CTNNA2: variants seen among roughly 807,000 people sequenced by gnomAD.
CTNNA2 encodes the protein catenin alpha 2, also known as catenin alpha-2.
CTNNA2 carries 42 observed loss-of-function variants against 101.0 expected under a neutral mutation model. That is an observed-to-expected ratio of 0.42 (90% confidence interval 0.32 to 0.54). The LOEUF is 0.54. Ranked by LOEUF, CTNNA2 falls within the 20% of genes least tolerant of loss-of-function variation. The pLI, the probability that CTNNA2 is intolerant of heterozygous loss-of-function variation, is 0.14. For missense variants in CTNNA2, 871 were observed against 1,223.1 expected (o/e 0.71, Z 4.29); for synonymous variants, 450 against 456.4 (o/e 0.99, Z 0.18).
rs183886659 is a variant in CTNNA2, at chr2:79,594,954, A to G, written c.-5-56598A>G. ...GTCCTTTCTTCTTTTTTTCTCTTAT[A>G]TAGATTTTTTTTTTGAAAGATTGTG... On this transcript the variant is annotated intron_variant, in intron 1 of 18. Coordinates refer to ENST00000402739, the MANE Select transcript of CTNNA2 (RefSeq NM_001282597.3). Among the ~76,000 whole-genome samples the G allele has an allele frequency of 6.7e-3, 1,011 of 151,940 alleles. 14 individuals are homozygous for G. Among genetic ancestry groups the G allele is most frequent in the African/African-American group, 0.022 (911 of 41,456 alleles).
At chr2:80,133,513 G>A (rs1702525776) in intron 7 of CTNNA2, among the ~76,000 whole-genome samples, 1 of 152,108 alleles carries the variant, frequency 6.6e-6, no homozygotes, top group South Asian at 2.1e-4. Flanking sequence ...AAGCCCAAAT[G>A]TATATAGAGT....
chr2:79,616,962 T>C (rs755509624), intron 1 of CTNNA2, among the ~76,000 whole-genome samples: 1 of 151,396 alleles, frequency 6.6e-6, no homozygotes, highest in Non-Finnish European at 1.5e-5. Context: ...GGTAGAATGG[T>C]GCAATCTCGG....
chr2:80,589,109 G>GA (rs1171840034), intron 14 of CTNNA2, among the ~76,000 whole-genome samples, 195 bp from the exon 15 acceptor site: 1 of 152,126 alleles, frequency 6.6e-6, no homozygotes, highest in Non-Finnish European at 1.5e-5. Flanking sequence ...ATGGGAGTGG[G>GA]ACGGGGACTT....
At chr2:79,652,638 T>C (rs1201680982) in intron 2 of CTNNA2, among the ~76,000 whole-genome samples, 1 of 152,076 alleles carries the variant, frequency 6.6e-6, no homozygotes, top group Non-Finnish European at 1.5e-5. Flanking sequence ...AATCCTCCCA[T>C]CTCAAGATCC....
chr2:79,385,442 T>C (rs1678088157), intron 4 of CTNNA2, among the ~76,000 whole-genome samples: 1 of 152,236 alleles, frequency 6.6e-6, no homozygotes. Flanking sequence ...TTTAATTCAC[T>C]GCATGTATAT....
At chr2:80,500,337 TATTC>T (rs907097503) in intron 9 of CTNNA2, among the ~76,000 whole-genome samples, 1 of 152,196 alleles carries the variant, frequency 6.6e-6, no homozygotes, top group Non-Finnish European at 1.5e-5. Context: ...ACCATCCATT[TATTC>T]ATTCATTCAT....
chr2:79,812,294 G>C (rs1272309394), intron 3 of CTNNA2, among the ~76,000 whole-genome samples: 1 of 152,142 alleles, frequency 6.6e-6, no homozygotes, highest in Non-Finnish European at 1.5e-5. Flanking sequence ...GTTAAGTGCA[G>C]TCATCCTTAC....
In CTNNA2 at chr2:80,546,688, A is replaced by G. The variant is rs964933202; in HGVS notation, c.1540+625A>G. Among the ~76,000 whole-genome samples, 2 of 152,222 alleles carry G rather than the reference A, an allele frequency of 1.3e-5. 1 individual carries two copies. The highest frequency in any genetic ancestry group is 2.9e-5 in the Non-Finnish European group (2 of 68,040). ...GCCAGACTGGAGGATGCTAGTAGACATGAATAACTGCAGAGACAGTCTGAC... is the reference window on the plus strand; with the variant it reads ...GCCAGACTGGAGGATGCTAGTAGACGTGAATAACTGCAGAGACAGTCTGAC... On this transcript the variant is annotated intron_variant, in intron 11 of 18. Transcript: ENST00000402739.
At chr2:80,192,204 T>A (rs549891363) in intron 7 of CTNNA2, among the ~76,000 whole-genome samples, 1 of 152,358 alleles carries the variant, frequency 6.6e-6, no homozygotes, top group East Asian at 1.9e-4. Flanking sequence ...TTATTTATTT[T>A]ATAGATAGGT....
At chr2:80,044,068 T>A (rs892298625) in intron 7 of CTNNA2, among the ~76,000 whole-genome samples, 3 of 152,308 alleles carry the variant, frequency 2.0e-5, no homozygotes, top group Admixed American at 2.0e-4. Context: ...TATATCCTCA[T>A]AGGCCTTTTC....
chr2:79,908,478 T>G (rs1281645246), intron 6 of CTNNA2, among the ~76,000 whole-genome samples: 1 of 152,040 alleles, frequency 6.6e-6, no homozygotes, highest in African/African-American at 2.4e-5. Flanking sequence ...CTGCAGCAGG[T>G]CATTCTACCT....
intron 2 of CTNNA2, among the ~76,000 whole-genome samples, chr2:79,225,987 C>T (rs888021535): frequency 7.2e-5 from 11 of 152,166 alleles, no homozygotes; most frequent in African/African-American, 2.7e-4. Context: ...TTTAAACCAA[C>T]ATCTCTGTCT....
intron 2 of CTNNA2, among the ~76,000 whole-genome samples, chr2:79,241,339 A>G (rs1469229073): frequency 6.6e-6 from 1 of 152,192 alleles, no homozygotes. Flanking sequence ...ATGACATAAC[A>G]CTAAAGAGAT....
chr2:79,964,022 C>G (rs909008079), intron 7 of CTNNA2, among the ~76,000 whole-genome samples: 5 of 152,076 alleles, frequency 3.3e-5, no homozygotes, highest in Non-Finnish European at 5.9e-5. Context: ...TAACATCAAA[C>G]CTGTGAAACA....
At chr2:80,327,003 G>T (rs766232324) in intron 7 of CTNNA2, among the ~76,000 whole-genome samples, 14 of 151,984 alleles carry the variant, frequency 9.2e-5, no homozygotes, top group Non-Finnish European at 1.9e-4. Context: ...AGGCACTACC[G>T]CTGATGACAT....
At chr2:80,326,713 AT>A (rs1280845029) in intron 7 of CTNNA2, among the ~76,000 whole-genome samples, 16 of 152,192 alleles carry the variant, frequency 1.1e-4, no homozygotes, top group Admixed American at 1.0e-3. Context: ...AAAACTTTCC[AT>A]TTAAGGAAAA....
rs1272541437 is a variant in CTNNA2, at chr2:79,398,056, T to G, written c.-135+24043T>G. 2.0e-5 allele frequency among the ~76,000 whole-genome samples: 3 copies of G among 152,176 alleles called. No individual in the cohort carries two copies. The East Asian group carries it at 5.8e-4, about 29-fold the overall frequency. Reference sequence around the variant, plus strand: ...AGAAAGCTTCTAGTTAAAATTCTCTTGGCTCTAAGTCTCAGTCTTTTATCC... The same window carrying G: ...AGAAAGCTTCTAGTTAAAATTCTCTGGGCTCTAAGTCTCAGTCTTTTATCC... On this transcript the variant is annotated intron_variant, in intron 4 of 21. Coordinates refer to the CTNNA2 transcript ENST00000466387.
intron 8 of CTNNA2, among the ~76,000 whole-genome samples, chr2:80,397,328 C>G (rs1678105941): frequency 6.6e-6 from 1 of 152,190 alleles, no homozygotes; most frequent in African/African-American, 2.4e-5. Flanking sequence ...AATCCACACA[C>G]TAGCTCTAAA....
chr2:79,460,585 T>C (rs1421561838), intron 4 of CTNNA2, among the ~76,000 whole-genome samples: 1 of 152,224 alleles, frequency 6.6e-6, no homozygotes, highest in African/African-American at 2.4e-5. Context: ...AAATAAGCTT[T>C]CAGCCTTCAT....
Sources: allele counts gnomAD v4.1 joint callset (sites outside exome capture counted in the v4.1 genomes callset), GRCh38; gene constraint gnomAD v4.1.1; transcripts MANE v1.5; gene names NCBI Gene and HGNC (gene_info 2026-07-23, HGNC 2026-07-21).